The following SP140 variants were observed in gnomAD, a reference collection of about 807,000 sequenced individuals.
The protein encoded by SP140 is nuclear body protein SP140.
In SP140, 81 loss-of-function variants were observed where a neutral mutation model predicts 125.0. The ratio of observed to expected loss-of-function variants is 0.65; its 90% CI spans 0.54 to 0.78. The LOEUF (loss-of-function observed/expected upper bound fraction) is 0.78, where lower values mean the gene tolerates loss of function less well. Among genes scored for constraint, SP140 ranks in the 30% least tolerant of loss-of-function variants. The pLI is 0.00. For missense variants in SP140, 858 were observed against 1,037.0 expected (o/e 0.83, Z 2.37); for synonymous variants, 312 against 354.0 (o/e 0.88, Z 1.33).
At chr2:230,281,867 C>T (rs182633431) in intron 15 of SP140, among the ~76,000 whole-genome samples, 1 of 152,250 alleles carries the variant, frequency 6.6e-6, no homozygotes, top group Admixed American at 6.5e-5. Flanking sequence ...TGAGTACATT[C>T]TTGTAGGAGT....
At chr2:230,222,988 C>T (rs1372309929), upstream of SP140, among the ~76,000 whole-genome samples, 1 of 151,604 alleles carries the variant, frequency 6.6e-6, no homozygotes, top group Non-Finnish European at 1.5e-5. Flanking sequence ...TGCTAGCCAC[C>T]AAGATCCTGC....
At chr2:230,291,697 A>G (rs2057132563) in intron 19 of SP140, among the ~76,000 whole-genome samples, 1 of 152,210 alleles carries the variant, frequency 6.6e-6, no homozygotes, top group Non-Finnish European at 1.5e-5. Context: ...TTTGGCTATT[A>G]TAAATAATGC....
chr2:230,209,437 T>G (rs2044226721), intron 1 of SP140, among the ~76,000 whole-genome samples: 1 of 152,128 alleles, frequency 6.6e-6, no homozygotes, highest in Admixed American at 6.5e-5. Context: ...ATATTGATGA[T>G]GAGTGAGTGA....
chr2:230,296,265 T>A (rs1315244390), intron 21 of SP140, among the ~76,000 whole-genome samples: 1 of 152,126 alleles, frequency 6.6e-6, no homozygotes, highest in Non-Finnish European at 1.5e-5. Context: ...GTTTTAAATT[T>A]ATTGTCAACA....
the SP140 span, among the ~76,000 whole-genome samples, chr2:230,195,222 G>A: frequency 6.6e-6 from 1 of 152,080 alleles, no homozygotes; most frequent in Non-Finnish European, 1.5e-5. Context: ...GAGAAGGCAA[G>A]AAAACCATGT....
intron 1 of SP140, among the ~76,000 whole-genome samples, chr2:230,232,985 ATC>A (rs973614792): frequency 3.1e-4 from 47 of 152,132 alleles, no homozygotes; most frequent in African/African-American, 9.9e-4. Flanking sequence ...ATGTTATTTT[ATC>A]TCTGTTATGT....
chr2:230,267,571 C>T (rs2053313952), intron 12 of SP140, among the ~76,000 whole-genome samples: 1 of 152,144 alleles, frequency 6.6e-6, no homozygotes, highest in Non-Finnish European at 1.5e-5. Context: ...CTCCCCATTG[C>T]AAGCCAGAGT....
chr2:230,210,118 C>A, intron 1 of SP140: 1 of 779,768 alleles, frequency 1.3e-6, no homozygotes, highest in East Asian at 2.4e-5. Flanking sequence ...AGCCCAGGGC[C>A]GGGAATCTGC....
At chr2:230,312,544 T>C in intron 26 of SP140, 42 bp from the exon 27 acceptor site, 2 of 1,341,236 alleles carry the variant, frequency 1.5e-6, no homozygotes. Context: ...CTCATGACGC[T>C]AATGATGAGG....
In SP140 at chr2:230,271,877, A is replaced by G. The variant is rs778056940; in HGVS notation, c.1498+1238A>G. 7.2e-4 allele frequency among the ~76,000 whole-genome samples: 109 copies of G among 152,338 alleles called. 1 individual carries two copies. Among genetic ancestry groups the G allele is most frequent in the Non-Finnish European group, 1.6e-4 (11 of 68,028 alleles). On this transcript the variant is annotated intron_variant, in intron 15 of 26. Transcript: ENST00000392045. ...GAAGTAGTGAAAGGTCAGATTATAC[A>G]TTCACAAAAAAAGTTATTTGAAGAG...
intron 3 of SP140, among the ~76,000 whole-genome samples, chr2:230,220,417 AAAAC>A (rs1228506226): frequency 1.3e-5 from 2 of 152,240 alleles, no homozygotes; most frequent in African/African-American, 4.8e-5. Flanking sequence ...AACACACAAA[AAAAC>A]AAAGAGAATG....
At chr2:230,302,903 G>A (rs1341093437) in intron 22 of SP140, among the ~76,000 whole-genome samples, 1 of 152,048 alleles carries the variant, frequency 6.6e-6, no homozygotes, top group Non-Finnish European at 1.5e-5. Flanking sequence ...TGGGATACAG[G>A]AAAAGCAATG....
chr2:230,226,762 C>CAAAAAAAAAAAAAAAAAAA (rs11323886), intron 1 of SP140, among the ~76,000 whole-genome samples: 68 of 94,234 alleles, frequency 7.2e-4, no homozygotes, highest in Non-Finnish European at 1.1e-3. Context: ...AATTCCATCT[C>CAAAAAAAAAAAAAAAAAAA]AAAAAAAAAA....
intron 22 of SP140, among the ~76,000 whole-genome samples, chr2:230,300,754 C>A (rs999039520): frequency 6.6e-6 from 1 of 152,122 alleles, no homozygotes; most frequent in Non-Finnish European, 1.5e-5. Flanking sequence ...TATAACACCC[C>A]CAAAAGATCA....
intron 1 of SP140, among the ~76,000 whole-genome samples, chr2:230,209,209 C>T (rs111662791): frequency 2.0e-4 from 31 of 152,114 alleles, no homozygotes; most frequent in Admixed American, 6.5e-4. Context: ...GTTTGAATGA[C>T]GATAGGGTCT....
At chr2:230,205,908 A>G (rs539935700) in intron 1 of SP140, among the ~76,000 whole-genome samples, 2 of 152,312 alleles carry the variant, frequency 1.3e-5, no homozygotes, top group East Asian at 3.9e-4. Flanking sequence ...TGTGAGTTGA[A>G]TAATCTGACT....
intron 11 of SP140, among the ~76,000 whole-genome samples, chr2:230,254,971 A>G (rs1161462848): frequency 6.6e-6 from 1 of 152,114 alleles, no homozygotes; most frequent in Non-Finnish European, 1.5e-5. Context: ...TATCTGGTTC[A>G]TTTCCACTAT....
At chr2:230,293,628 GC>G (rs1237844922) in intron 20 of SP140, among the ~76,000 whole-genome samples, 2 of 151,190 alleles carry the variant, frequency 1.3e-5, no homozygotes, top group African/African-American at 2.4e-5. Flanking sequence ...CAGCCACCCC[GC>G]CCCGCCATAA....
chr2:230,297,625 G>A (rs1384172326), intron 22 of SP140, among the ~76,000 whole-genome samples, 163 bp downstream of exon 22: 1 of 152,158 alleles, frequency 6.6e-6, no homozygotes, highest in East Asian at 1.9e-4. Context: ...GATGTGCCTG[G>A]GCCTTGGATG....
Sources: allele counts gnomAD v4.1 joint callset (sites outside exome capture counted in the v4.1 genomes callset), GRCh38; gene constraint gnomAD v4.1.1; transcripts MANE v1.5; gene names NCBI Gene and HGNC (gene_info 2026-07-23, HGNC 2026-07-21).